Variants in SPNS3 observed in about 807,000 individuals in gnomAD.
The protein encoded by SPNS3 is SPNS lysolipid transporter 3, sphingosine-1-phosphate (putative).
SPNS3 carries 51 observed loss-of-function variants against 54.4 expected under a neutral mutation model. The ratio of observed to expected loss-of-function variants is 0.94; its 90% CI spans 0.75 to 1.18. The LOEUF (loss-of-function observed/expected upper bound fraction) is 1.18. Among genes scored for constraint, SPNS3 ranks in the 50% most tolerant of loss-of-function variants. The pLI, the probability that SPNS3 is intolerant of heterozygous loss-of-function variation, is 0.00. For synonymous variants in SPNS3, 309 were observed against 294.7 expected (o/e 1.05, Z -0.50); for missense variants, 669 against 677.4 (o/e 0.99, Z 0.14).
chr17:4,437,389 T>A (rs925289455), intron 1 of SPNS3, among the ~76,000 whole-genome samples: 2 of 152,204 alleles, frequency 1.3e-5, no homozygotes, highest in Non-Finnish European at 2.9e-5. Context: ...AATGACTGTC[T>A]TCTTTGTGTA....
At chr17:4,452,718 C>G (rs576547246) in intron 7 of SPNS3, among the ~76,000 whole-genome samples, 1 of 151,988 alleles carries the variant, frequency 6.6e-6, no homozygotes, top group East Asian at 1.9e-4. Context: ...GGAGATGAGG[C>G]AGGCTGGGAC....
At chr17:4,437,735 ATGCCAGGT>A (rs1465389376) in intron 1 of SPNS3, among the ~76,000 whole-genome samples, 3 of 152,142 alleles carry the variant, frequency 2.0e-5, no homozygotes, top group African/African-American at 4.8e-5. Context: ...AACAGTTTGT[ATGCCAGGT>A]TGCAGTGGCA....
chr17:4,457,869 G>C (rs1390247), intron 8 of SPNS3, among the ~76,000 whole-genome samples: 1 of 151,988 alleles, frequency 6.6e-6, no homozygotes, highest in African/African-American at 2.4e-5. Flanking sequence ...TGCCCTGGGG[G>C]TTGGGGCTGA....
intron 2 of SPNS3, 46 bp from the exon 3 acceptor site, chr17:4,444,986 C>A: frequency 6.3e-7 from 1 of 1,579,166 alleles, no homozygotes; most frequent in South Asian, 1.2e-5. Flanking sequence ...ATCTGCCCTG[C>A]CACGGTCGTG....
chr17:4,471,171 G>A (rs529617143), intron 8 of SPNS3, among the ~76,000 whole-genome samples: 6 of 151,878 alleles, frequency 4.0e-5, no homozygotes, highest in Non-Finnish European at 8.8e-5. Context: ...TGATCCACCC[G>A]CCTCGGCCTC....
chr17:4,458,369 C>T (rs1971371781), intron 8 of SPNS3, among the ~76,000 whole-genome samples: 1 of 123,344 alleles, frequency 8.1e-6, no homozygotes, highest in Non-Finnish European at 1.9e-5. Flanking sequence ...CTCTCTCTCT[C>T]CCTCCCTCCC....
intron 4 of SPNS3, 64 bp downstream of exon 4, chr17:4,446,263 G>A (rs1970985545): frequency 1.3e-6 from 2 of 1,545,170 alleles, no homozygotes; most frequent in African/African-American, 1.4e-5. Flanking sequence ...AGTCAGAACA[G>A]GGGCTGGACC....
At chr17:4,476,567 T>C (rs1972006539) in intron 8 of SPNS3, among the ~76,000 whole-genome samples, 1 of 151,880 alleles carries the variant, frequency 6.6e-6, no homozygotes, top group Non-Finnish European at 1.5e-5. Flanking sequence ...CAGAGGGAGA[T>C]GGGTGTGAGT....
At chr17:4,467,060 G>A (rs892150794) in intron 8 of SPNS3, among the ~76,000 whole-genome samples, 1 of 152,176 alleles carries the variant, frequency 6.6e-6, no homozygotes, top group Non-Finnish European at 1.5e-5. Flanking sequence ...CAGCCTGTGC[G>A]GAGGCCCTGA....
At chr17:4,440,899 A>G (rs1213273731) in intron 2 of SPNS3, among the ~76,000 whole-genome samples, 2 of 152,178 alleles carry the variant, frequency 1.3e-5, no homozygotes, top group African/African-American at 4.8e-5. Context: ...TTAGAATTCA[A>G]AGTGAGATAG....
chr17:4,460,695 A>C (rs1157724550), intron 8 of SPNS3, among the ~76,000 whole-genome samples: 1 of 151,204 alleles, frequency 6.6e-6, no homozygotes, highest in Non-Finnish European at 1.5e-5. Context: ...ACCTGCCTCA[A>C]CCTCCGAAAG....
chr17:4,480,258 G>A (rs964624554), intron 9 of SPNS3, among the ~76,000 whole-genome samples: 1 of 152,220 alleles, frequency 6.6e-6, no homozygotes, highest in Non-Finnish European at 1.5e-5. Context: ...CTCCAGCCCA[G>A]AGTCAGCCGC....
Position 4,486,490 on chromosome 17 carries a change from T to G in SPNS3, c.1357T>G (p.Cys453Gly). The G allele has an allele frequency of 6.2e-7, 1 of 1,613,694 alleles. No homozygotes were observed. Among genetic ancestry groups the G allele is most frequent in the Non-Finnish European group, 8.5e-7 (1 of 1,179,960 alleles). The stretch of plus-strand genomic sequence containing the variant: ...CAGCCTGCAGCAGAGCTTCCTGTGC[T>G]GCGCCTTTGTCATCGCCCTGGGGGG... ...FRSLQQSFLC[C>G]AFVIALGGGC... The change falls in exon 11 of 12, where the codon TGC becomes GGC. Residue 453 changes from cysteine to glycine, a missense_variant. Transcript: ENST00000355530. This position sits in a 1 kb window ranked among gnomAD's most constrained non-coding sequence, Gnocchi z 5.5.
At chr17:4,476,142 C>T (rs923137757) in intron 8 of SPNS3, among the ~76,000 whole-genome samples, 2 of 152,222 alleles carry the variant, frequency 1.3e-5, no homozygotes, top group Admixed American at 1.3e-4. Context: ...CTGGTGGCCG[C>T]TGCCCCGGGA....
intron 8 of SPNS3, among the ~76,000 whole-genome samples, chr17:4,468,307 AAAAG>A (rs1488819035): frequency 2.0e-5 from 3 of 152,214 alleles, no homozygotes; most frequent in Non-Finnish European, 4.4e-5. Flanking sequence ...TAAATTAAAA[AAAAG>A]AAAGAGGACA....
At chr17:4,463,081 T>C (rs1971580451) in intron 8 of SPNS3, among the ~76,000 whole-genome samples, 2 of 152,046 alleles carry the variant, frequency 1.3e-5, no homozygotes, top group South Asian at 4.2e-4. Flanking sequence ...TGTGTATATG[T>C]TCATTCTTGT....
At chr17:4,466,455 G>C in intron 8 of SPNS3, among the ~76,000 whole-genome samples, 1 of 149,726 alleles carries the variant, frequency 6.7e-6, no homozygotes, top group East Asian at 2.0e-4. Flanking sequence ...CAGGAGAATC[G>C]CTTGAGCCCA....
chr17:4,450,608 T>A (rs187839225), intron 7 of SPNS3, among the ~76,000 whole-genome samples: 1,593 of 151,720 alleles, frequency 0.01, 64 homozygotes, highest in Admixed American at 0.078. Context: ...TTATTTATTT[T>A]TTTTTGAGAC....
intron 8 of SPNS3, among the ~76,000 whole-genome samples, chr17:4,458,646 T>TTTCTTTCTTTCTTTCTTTCC (rs748150277): frequency 3.7e-4 from 48 of 128,176 alleles, no homozygotes; most frequent in African/African-American, 1.1e-3. Context: ...TCTTTCTTTC[T>TTTCTTTCTTTCTTTCTTTCC]TTCCTTCCTT....
Sources: gnomAD v4.1 joint callset for allele counts (sites outside exome capture counted in the v4.1 genomes callset) on GRCh38, gnomAD v4.1.1 for gene constraint, Gnocchi (gnomAD v3.1) non-coding constraint, MANE v1.5 for transcripts, NCBI Gene and HGNC (gene_info 2026-07-23, HGNC 2026-07-21) for gene names.